NAV2: variants seen among roughly 807,000 people sequenced by gnomAD.
NAV2 encodes the protein helicase, APC down-regulated 1.
Under a neutral mutation model 223.2 loss-of-function variants are expected in NAV2, and 54 were observed. The observed-to-expected ratio is 0.24, with a 90% confidence interval of 0.19 to 0.30. The LOEUF is 0.30. Ranked by LOEUF, NAV2 falls within the 10% of genes least tolerant of loss-of-function variation. The pLI is 1.00. For missense variants in NAV2, 2,806 were observed against 3,147.5 expected (o/e 0.89, Z 2.60); for synonymous variants, 1,279 against 1,239.3 (o/e 1.03, Z -0.67).
chr11:19,716,426 T>C (rs2050321956), intron 1 of NAV2, among the ~76,000 whole-genome samples: 1 of 152,166 alleles, frequency 6.6e-6, no homozygotes, highest in Admixed American at 6.5e-5. Flanking sequence ...TAACGTAAAG[T>C]GTTCAGTGCA....
At chr11:20,074,076 A>G (rs1450799952) in intron 22 of NAV2, among the ~76,000 whole-genome samples, 9 of 152,220 alleles carry the variant, frequency 5.9e-5, no homozygotes, top group Admixed American at 3.9e-4. Context: ...ATTTAGTGCT[A>G]TAAATTTCCC....
chr11:19,996,037 G>A (rs1175384349), intron 11 of NAV2, among the ~76,000 whole-genome samples: 1 of 152,112 alleles, frequency 6.6e-6, no homozygotes, highest in Admixed American at 6.5e-5. Flanking sequence ...AGTGTCAGAG[G>A]ACAAAACAGC....
intron 1 of NAV2, among the ~76,000 whole-genome samples, chr11:19,662,792 T>C (rs2048321147): frequency 6.6e-6 from 1 of 152,242 alleles, no homozygotes; most frequent in Admixed American, 6.5e-5. Context: ...TCAGGTCCAG[T>C]GCCAGGTAGC....
At chr11:19,862,088 A>G (rs1322883474) in intron 3 of NAV2, among the ~76,000 whole-genome samples, 2 of 152,266 alleles carry the variant, frequency 1.3e-5, no homozygotes, top group African/African-American at 2.4e-5. Context: ...GCAAAGTGGA[A>G]AAAGATAGTC....
chr11:19,366,037 G>A (rs998642310), intron 1 of NAV2, among the ~76,000 whole-genome samples: 2 of 152,200 alleles, frequency 1.3e-5, no homozygotes, highest in African/African-American at 4.8e-5. Flanking sequence ...AAACAGCTCT[G>A]AGAATGGGGA....
intron 1 of NAV2, among the ~76,000 whole-genome samples, chr11:19,480,812 T>G (rs1432288541): frequency 6.6e-6 from 1 of 152,164 alleles, no homozygotes; most frequent in Non-Finnish European, 1.5e-5. Flanking sequence ...AAACCAAGAT[T>G]AGAGGTGAGG....
At chr11:19,649,785 A>G (rs2047916126) in intron 1 of NAV2, among the ~76,000 whole-genome samples, 1 of 152,242 alleles carries the variant, frequency 6.6e-6, no homozygotes, top group Admixed American at 6.5e-5. Flanking sequence ...ATTGAACAGA[A>G]TATTTGAACA....
chr11:19,962,940 C>T (rs2048455039), intron 10 of NAV2, among the ~76,000 whole-genome samples: 1 of 152,212 alleles, frequency 6.6e-6, no homozygotes, highest in Non-Finnish European at 1.5e-5. Context: ...TGCTTGTAAT[C>T]ATCCAGTCAT....
At chr11:19,503,252 G>C (rs1411397468) in intron 1 of NAV2, 1 of 152,102 alleles carries the variant, frequency 6.6e-6, no homozygotes, top group Non-Finnish European at 1.5e-5. Context: ...ATCGATATCT[G>C]TCACCAAAGT....
intron 11 of NAV2, among the ~76,000 whole-genome samples, chr11:20,009,061 GC>G (rs2153505422): frequency 6.6e-6 from 1 of 152,230 alleles, no homozygotes; most frequent in Admixed American, 6.5e-5. Context: ...GGCTACACAG[GC>G]ATCAGTGAGA....
At chr11:19,564,854 G>A (rs527780477) in intron 1 of NAV2, among the ~76,000 whole-genome samples, 3 of 152,246 alleles carry the variant, frequency 2.0e-5, no homozygotes, top group Non-Finnish European at 4.4e-5. Flanking sequence ...ATGACACTGG[G>A]CCGGGCGTGG....
In NAV2 at chr11:19,931,609, A is replaced by AAAAAAAAAAAAG. The variant is rs10692495; in HGVS notation, c.932-1567_932-1566insAAAAAAAAAAAG. ...ACATAGGTATTTAAAAAAAAAAAAAAGCAGAAGAAGCAGCCGTTAATCCCG... is the reference window on the plus strand; with the variant it reads ...ACATAGGTATTTAAAAAAAAAAAAAAAAAAAAAAAAAGGCAGAAGAAGCAGCCGTTAATCCCG... On this transcript the variant is annotated intron_variant, in intron 6 of 37. Coordinates refer to ENST00000349880, the MANE Select transcript of NAV2 (RefSeq NM_145117.5). Among the ~76,000 whole-genome samples the AAAAAAAAAAAAG allele has an allele frequency of 2.4e-4, 33 of 137,318 alleles. 3 individuals carry two copies. The highest frequency in any genetic ancestry group is 4.8e-4 in the South Asian group (2 of 4,144). The allele number at this position is 137,318 out of a possible 152,430, so 90.1% of individuals were successfully genotyped here.
At chr11:19,500,307 C>T (rs1461505721) in intron 1 of NAV2, among the ~76,000 whole-genome samples, 1 of 152,090 alleles carries the variant, frequency 6.6e-6, no homozygotes, top group Non-Finnish European at 1.5e-5. Flanking sequence ...AGCTGAGCCA[C>T]AGCCAGCAGT....
intron 1 of NAV2, among the ~76,000 whole-genome samples, chr11:19,493,171 C>T (rs2042685874): frequency 6.6e-6 from 1 of 151,870 alleles, no homozygotes; most frequent in Non-Finnish European, 1.5e-5. Context: ...CCTGCCCCCT[C>T]CCCTCTCTCC....
At position 19,379,654 on chromosome 11, in the gene NAV2, C is replaced by T. The variant is rs113117355; in HGVS notation, c.75+28627C>T. ...ACTCTTCCCTCCTCCGGCATCTTCC[C>T]GGTCCTGTTGTGGCTCTGGTGAGCT... On this transcript the variant is annotated intron_variant, in intron 1 of 37. Transcript: ENST00000360655. 4.4e-3 allele frequency among the ~76,000 whole-genome samples: 664 copies of T among 152,294 alleles called. 2 individuals are homozygous for T. The highest frequency in any genetic ancestry group is 6.2e-3 in the African/African-American group (259 of 41,572).
intron 4 of NAV2, among the ~76,000 whole-genome samples, chr11:19,875,072 A>T (rs527657095): frequency 7.9e-5 from 12 of 152,264 alleles, no homozygotes; most frequent in African/African-American, 2.9e-4. Context: ...CAGGAGAATC[A>T]CTTGAATCCA....
chr11:20,087,661 T>C (rs74534376), intron 26 of NAV2, among the ~76,000 whole-genome samples: 4,796 of 152,168 alleles, frequency 0.032, 255 homozygotes, highest in African/African-American at 0.11. Flanking sequence ...AAAACACACA[T>C]AAGGTGTCTT....
chr11:19,372,365 G>A (rs1265749733), intron 1 of NAV2, among the ~76,000 whole-genome samples: 1 of 152,156 alleles, frequency 6.6e-6, no homozygotes, highest in East Asian at 1.9e-4. Flanking sequence ...TTGAAATCTG[G>A]GAGCTTTCTC....
intron 1 of NAV2, among the ~76,000 whole-genome samples, chr11:19,521,598 A>T (rs2702706): frequency 0.41 from 62,564 of 151,896 alleles, 13,256 homozygotes; most frequent in African/African-American, 0.49. Flanking sequence ...ATATTTGAGG[A>T]GCTCCTTACC....
Sources: allele counts gnomAD v4.1 joint callset (sites outside exome capture counted in the v4.1 genomes callset), GRCh38; gene constraint gnomAD v4.1.1; transcripts MANE v1.5; gene names NCBI Gene and HGNC (gene_info 2026-07-23, HGNC 2026-07-21).